Variants in TMEM116 observed in about 807,000 individuals in gnomAD.
The protein encoded by TMEM116 is transmembrane protein 116.
TMEM116 carries 38 observed loss-of-function variants against 44.3 expected under a neutral mutation model. That is an observed-to-expected ratio of 0.86 (90% CI 0.66 to 1.12). The LOEUF (loss-of-function observed/expected upper bound fraction) is 1.12. TMEM116 is among the 50% of genes most tolerant of loss of function. The pLI is 0.00. For missense variants in TMEM116, 354 were observed against 401.7 expected (o/e 0.88, Z 1.01); for synonymous variants, 132 against 144.8 (o/e 0.91, Z 0.64).
At chr12:111,971,100 G>A (rs911952436) in intron 4 of TMEM116, among the ~76,000 whole-genome samples, 4 of 152,082 alleles carry the variant, frequency 2.6e-5, no homozygotes, top group Non-Finnish European at 4.4e-5. Context: ...CAAAGGTGCA[G>A]TAAAAACATT....
At chr12:111,933,391 T>C (rs1272531255) in intron 9 of TMEM116, among the ~76,000 whole-genome samples, 1 of 151,656 alleles carries the variant, frequency 6.6e-6, no homozygotes, top group African/African-American at 2.4e-5. Context: ...TTCTAAAACA[T>C]AAGAAGCAAA....
chr12:111,933,881 C>G lies in TMEM116; in HGVS notation c.733+5G>C. ...ACTGCCCATCTCTTCTTGTTAAGTACCTACCTGGGCCCCAGCAGCAAAAGA... is the reference window on the plus strand; with the variant it reads ...ACTGCCCATCTCTTCTTGTTAAGTAGCTACCTGGGCCCCAGCAGCAAAAGA... On this transcript the variant is annotated splice_donor_5th_base_variant and intron_variant, in intron 9 of 10. Coordinates refer to ENST00000552374, the MANE Select transcript of TMEM116 (RefSeq NM_001193531.2). The G allele has an allele frequency of 6.2e-7, 1 of 1,613,716 alleles. No individual in the cohort carries two copies. The highest frequency in any genetic ancestry group is 1.1e-5 in the South Asian group (1 of 91,032).
intron 4 of TMEM116, among the ~76,000 whole-genome samples, chr12:111,961,698 C>T (rs1162254402): frequency 6.6e-6 from 1 of 152,158 alleles, no homozygotes. Context: ...TTATGACAAA[C>T]CCACAGCCAA....
chr12:111,961,414 C>T (rs926823161), intron 4 of TMEM116, among the ~76,000 whole-genome samples: 4 of 152,126 alleles, frequency 2.6e-5, no homozygotes, highest in South Asian at 2.1e-4. Flanking sequence ...AACATCGATG[C>T]GAAAATCCTC....
In TMEM116 at chr12:112,005,930, G is replaced by C. The variant is rs116472418; in HGVS notation, c.-33-627C>G. ...AAAGGGAAAATACAAAGGAAGACAG[G>C]GAGAGCTTCTGACCTTACCAAGTCC... On this transcript the variant is annotated intron_variant, in intron 1 of 10. Transcript: ENST00000552374. 3 of 985,510 alleles carry C rather than the reference G, an allele frequency of 3.0e-6. No homozygotes were observed. In the East Asian group the frequency reaches 3.4e-4, roughly 112 times the overall value. 61.0% of individuals were successfully genotyped at this position (985,510 alleles called of 1,614,324 possible).
chr12:111,978,594 G>A (rs1810380628), intron 4 of TMEM116: 2 of 203,482 alleles, frequency 9.8e-6, no homozygotes, highest in Admixed American at 1.1e-4. Flanking sequence ...GAGGCAATTA[G>A]CTCCTAAGGG....
chr12:111,950,469 TA>T (rs34167575), intron 4 of TMEM116, among the ~76,000 whole-genome samples: 14,341 of 124,546 alleles, frequency 0.12, 717 homozygotes, highest in East Asian at 0.25. Context: ...GATCTGATCT[TA>T]AAAAAAAAAA....
At chr12:111,984,948 A>G (rs1350723929) in intron 4 of TMEM116, among the ~76,000 whole-genome samples, 1 of 152,142 alleles carries the variant, frequency 6.6e-6, no homozygotes, top group Admixed American at 6.6e-5. Context: ...TAAACGAAAA[A>G]GCAAAAACAA....
chr12:111,982,002 G>A (rs2075968105), intron 4 of TMEM116, among the ~76,000 whole-genome samples: 1 of 152,142 alleles, frequency 6.6e-6, no homozygotes, highest in African/African-American at 2.4e-5. Flanking sequence ...AAAGTAGATA[G>A]TAGAATGGTG....
intron 8 of TMEM116, chr12:111,934,484 C>T (rs138182215): frequency 8.2e-4 from 126 of 153,832 alleles, no homozygotes; most frequent in Admixed American, 6.2e-3. Context: ...ACTTTGCACC[C>T]GGTGCGGTGG....
intron 4 of TMEM116, among the ~76,000 whole-genome samples, chr12:111,970,830 C>T (rs572402009): frequency 1.4e-4 from 22 of 152,068 alleles, no homozygotes; most frequent in South Asian, 6.2e-4. Flanking sequence ...CCTCGTGATC[C>T]GCCCGCCCAC....
chr12:111,990,841 C>T (rs1386081403), intron 4 of TMEM116, among the ~76,000 whole-genome samples: 1 of 152,138 alleles, frequency 6.6e-6, no homozygotes, highest in Non-Finnish European at 1.5e-5. Context: ...CAAAACCATC[C>T]AATCATTTCA....
Position 112,003,562 on chromosome 12 carries a change from C to T in TMEM116, c.78+238G>A, listed in dbSNP as rs376977972. On this transcript the variant is annotated intron_variant, in intron 3 of 10. Transcript: ENST00000552374. ...CAGCCTGGGTGACAGAGCAAGACTCCGTCTCAAAAAAAAAAAAAAAATAGT... is the reference window on the plus strand; with the variant it reads ...CAGCCTGGGTGACAGAGCAAGACTCTGTCTCAAAAAAAAAAAAAAAATAGT... The T allele has an allele frequency of 6.4e-5, 24 of 377,100 alleles. 2 individuals carry two copies. The Middle Eastern group carries it at 4.7e-3, about 74-fold the overall frequency. The allele number at this position is 377,100 out of a possible 1,614,324, so 23.4% of individuals were successfully genotyped here.
chr12:112,005,967 C>A (rs1438329960), intron 1 of TMEM116: 1 of 985,760 alleles, frequency 1.0e-6, no homozygotes, highest in African/African-American at 1.7e-5. Context: ...AACTGTCCTC[C>A]AGAATGCTAG....
intron 3 of TMEM116, among the ~76,000 whole-genome samples, chr12:111,996,039 CAAAAA>C (rs60431093): frequency 1.9e-5 from 1 of 53,682 alleles, no homozygotes; most frequent in Admixed American, 1.7e-4. Context: ...GACCCTGTCT[CAAAAA>C]AAAAAAAAAA....
chr12:111,991,598 T>C (rs2076603648), intron 4 of TMEM116, 160 bp downstream of exon 4: 2 of 587,046 alleles, frequency 3.4e-6, no homozygotes, highest in African/African-American at 1.9e-5. Context: ...AAATATTCTA[T>C]AATATAGTGT....
In TMEM116 at chr12:111,974,294, C is replaced by T. The variant is rs186927569; in HGVS notation, c.210+17464G>A. ...AAAAAGACAGGACTGTCCACTTTCACCACTTTTATTCAACATTGTACTGGA... is the reference window on the plus strand; with the variant it reads ...AAAAAGACAGGACTGTCCACTTTCATCACTTTTATTCAACATTGTACTGGA... On this transcript the variant is annotated intron_variant, in intron 4 of 10. Transcript: ENST00000552374. Among the ~76,000 whole-genome samples the T allele has an allele frequency of 2.2e-3, 334 of 152,244 alleles. 1 individual carries two copies. Among genetic ancestry groups the T allele is most frequent in the Middle Eastern group, 6.8e-3 (2 of 294 alleles).
chr12:111,974,487 T>C (rs2075549883), intron 4 of TMEM116, among the ~76,000 whole-genome samples: 1 of 151,736 alleles, frequency 6.6e-6, no homozygotes, highest in Non-Finnish European at 1.5e-5. Flanking sequence ...CTGTCTCTAC[T>C]AAAAATACAA....
chr12:111,980,868 G>A (rs2075897238), intron 4 of TMEM116, among the ~76,000 whole-genome samples: 1 of 152,058 alleles, frequency 6.6e-6, no homozygotes, highest in Non-Finnish European at 1.5e-5. Context: ...GAGCTCAGGG[G>A]TTCGAGACCA....
Sources: allele counts gnomAD v4.1 joint callset (sites outside exome capture counted in the v4.1 genomes callset), GRCh38; gene constraint gnomAD v4.1.1; transcripts MANE v1.5; gene names NCBI Gene and HGNC (gene_info 2026-07-23, HGNC 2026-07-21).